CHFR: variants seen among roughly 807,000 people sequenced by gnomAD.
CHFR encodes the protein E3 ubiquitin-protein ligase CHFR.
In CHFR, 57 loss-of-function variants were observed where a neutral mutation model predicts 87.6. The observed-to-expected ratio is 0.65, with a 90% CI of 0.53 to 0.81. The LOEUF is 0.81. Ranked by LOEUF, CHFR falls within the 30% of genes least tolerant of loss-of-function variation. CHFR has a pLI of 0.00. For missense variants in CHFR, 797 were observed against 865.8 expected (o/e 0.92, Z 1.00); for synonymous variants, 381 against 359.2 (o/e 1.06, Z -0.69).
intron 3 of CHFR, among the ~76,000 whole-genome samples, chr12:132,875,312 C>T (rs1458072320): frequency 6.6e-6 from 1 of 152,218 alleles, no homozygotes; most frequent in Non-Finnish European, 1.5e-5. Flanking sequence ...CAACATACTG[C>T]TAGAAGACCA....
At chr12:132,848,844 A>G in intron 12 of CHFR, 120 bp from the exon 13 acceptor site, 1 of 746,246 alleles carries the variant, frequency 1.3e-6, no homozygotes, top group Non-Finnish European at 2.2e-6. Flanking sequence ...GAGGGGTCTC[A>G]TGGAAATCGG....
At position 132,853,543 on chromosome 12, in the gene CHFR, A is replaced by G; in HGVS notation, c.1260T>C (p.Pro420=). ...SQPYVVCRQC[P]EYRRQAAQPP... is the part of the protein sequence containing the mutation. ...GCTGCGCCGCCTGCCTTCTGTACTC[A>G]GGACACTGCCGGCACACGACGTATG... Residue 420 remains proline (P), a synonymous_variant, in exon 11 of 18, where the codon CCT becomes CCC. Transcript: ENST00000450056. 2 of 1,533,758 alleles carry G rather than the reference A, an allele frequency of 1.3e-6. No homozygotes were observed. Among genetic ancestry groups the G allele is most frequent in the Non-Finnish European group, 1.8e-6 (2 of 1,142,332 alleles).
At position 132,853,475 on chromosome 12, in the gene CHFR, T is replaced by A; in HGVS notation, c.1328A>T (p.Gln443Leu). Reference sequence around the variant, plus strand: ...CGTGGAGGGTGCATCCCCCAGGGCCTGTGGGGCTCCTGGCTCGCCCTCGGG... The same window carrying A: ...CGTGGAGGGTGCATCCCCCAGGGCCAGTGGGGCTCCTGGCTCGCCCTCGGG... Reference protein sequence around the residue: ...PAPEGEPGAPQALGDAPSTSV... With the variant: ...PAPEGEPGAPLALGDAPSTSV... The change falls in exon 11 of 18, where the codon CAG becomes CTG. Residue 443 changes from glutamine (Q) to leucine (L), a missense_variant. Transcript: ENST00000450056. 1 of 1,545,806 alleles carries A rather than the reference T, an allele frequency of 6.5e-7. No homozygotes were observed. The highest frequency in any genetic ancestry group is 2.5e-5 in the East Asian group (1 of 40,770).
At chr12:132,878,838 A>T (rs899160986) in intron 2 of CHFR, among the ~76,000 whole-genome samples, 3 of 151,438 alleles carry the variant, frequency 2.0e-5, no homozygotes. Context: ...AAAAAGAAAA[A>T]AAAAAACTCA....
At chr12:132,883,426 CAA>C (rs1281973967) in intron 2 of CHFR, among the ~76,000 whole-genome samples, 8 of 93,024 alleles carry the variant, frequency 8.6e-5, no homozygotes, top group African/African-American at 4.6e-5. Context: ...AACTCCGTCT[CAA>C]AAAAAAAAAA....
chr12:132,861,716 G>T, intron 6 of CHFR, 82 bp from the exon 7 acceptor site: 2 of 1,316,006 alleles, frequency 1.5e-6, no homozygotes, highest in Non-Finnish European at 2.1e-6. Flanking sequence ...ACTGACTGGA[G>T]CCCAGTGCAG....
At chr12:132,858,012 C>T (rs1195031632) in intron 8 of CHFR, among the ~76,000 whole-genome samples, 1 of 152,244 alleles carries the variant, frequency 6.6e-6, no homozygotes, top group Non-Finnish European at 1.5e-5. Flanking sequence ...GTGGGGTCTA[C>T]AGCCTCCGGC....
rs1950654216 is a variant in CHFR at position 132,837,153 on chromosome 12, A to T, written c.*4401T>A. ...GGCTCCAGGAGAAGCAGGTAGGGAG[A>T]AGAGGTTTTCTGAGGGGTGGAGGCA... is the stretch of plus-strand genomic sequence containing the variant. On this transcript the variant is annotated 3_prime_UTR_variant, in exon 18 of 18. Coordinates refer to ENST00000450056, the MANE Select transcript of CHFR (RefSeq NM_001161346.2). 5 of 276,980 alleles carry T rather than the reference A, an allele frequency of 1.8e-5. No individual in the cohort carries two copies. The highest frequency in any genetic ancestry group is 1.7e-4 in the South Asian group (5 of 28,740). 17.2% of individuals were successfully genotyped at this position (276,980 alleles called of 1,614,324 possible).
chr12:132,845,693 CT>C (rs759506585), intron 15 of CHFR, among the ~76,000 whole-genome samples: 2 of 152,046 alleles, frequency 1.3e-5, no homozygotes, highest in Non-Finnish European at 2.9e-5. Flanking sequence ...AATTATCATA[CT>C]CCACAAAGCA....
chr12:132,882,729 A>C (rs1951797442), intron 2 of CHFR, among the ~76,000 whole-genome samples: 1 of 151,300 alleles, frequency 6.6e-6, no homozygotes, highest in Non-Finnish European at 1.5e-5. Context: ...TCTTTGAGAC[A>C]AGGCCTTGCG....
At chr12:132,850,973 A>ATAT (rs1353172478) in intron 12 of CHFR, among the ~76,000 whole-genome samples, 2 of 48,008 alleles carry the variant, frequency 4.2e-5, no homozygotes, top group African/African-American at 1.5e-4. Flanking sequence ...GCATATATAT[A>ATAT]TATATATATA....
At chr12:132,883,692 A>G (rs1951820500) in intron 2 of CHFR, among the ~76,000 whole-genome samples, 1 of 152,224 alleles carries the variant, frequency 6.6e-6, no homozygotes, top group Admixed American at 6.5e-5. Context: ...GTGCCACTGC[A>G]CTCCAGACTG....
At chr12:132,871,416 C>T (rs149090452) in intron 4 of CHFR, among the ~76,000 whole-genome samples, 56 of 151,582 alleles carry the variant, frequency 3.7e-4, no homozygotes, top group Middle Eastern at 3.5e-3. Flanking sequence ...CACGCCATTG[C>T]ACTCCAGCCT....
At chr12:132,857,312 G>A (rs1373896646) in intron 9 of CHFR, 93 bp downstream of exon 9, 23 of 1,363,480 alleles carry the variant, frequency 1.7e-5, no homozygotes, top group East Asian at 4.7e-5. Context: ...TCACGTGCCC[G>A]GGTGCTGCTG....
In CHFR at chr12:132,837,969, G is replaced by C. The variant is rs1950661137; in HGVS notation, c.*3585C>G. 1 of 152,386 alleles carries C rather than the reference G, an allele frequency of 6.6e-6. No individual in the cohort carries two copies. The highest frequency in any genetic ancestry group is 1.5e-5 in the Non-Finnish European group (1 of 68,166). 9.4% of individuals were successfully genotyped at this position (152,386 alleles called of 1,614,324 possible). A position where few individuals can be genotyped will look rare whatever the true frequency, so the allele number is the denominator to read the frequency against. ...GCTTTCCTTCCCTTCCCAGTGCAGG[G>C]CTCCCGGCAACCTAGCGGCCCTGGC... On this transcript the variant is annotated 3_prime_UTR_variant, in exon 18 of 18. Transcript: ENST00000450056.
In CHFR at chr12:132,853,638, C is replaced by G. The variant is rs752473859; in HGVS notation, c.1230-65G>C. ...AGCCTCTCAGGTAGGGCCGGTGCAA[C>G]GCGGGTCCGCAGCCATCACAGCTCA... On this transcript the variant is annotated intron_variant, in intron 10 of 17. Coordinates refer to ENST00000450056, the MANE Select transcript of CHFR (RefSeq NM_001161346.2). 614 of 1,464,324 alleles carry G rather than the reference C, an allele frequency of 4.2e-4. 2 individuals are homozygous for G. Among genetic ancestry groups the G allele is most frequent in the Non-Finnish European group, 5.2e-4 (580 of 1,117,936 alleles). 90.7% of individuals were successfully genotyped at this position (1,464,324 alleles called of 1,614,324 possible). A position where few individuals can be genotyped will look rare whatever the true frequency, so the allele number is the denominator to read the frequency against.
intron 5 of CHFR, among the ~76,000 whole-genome samples, chr12:132,870,129 G>A (rs1195838918): frequency 6.6e-6 from 1 of 151,736 alleles, no homozygotes; most frequent in Non-Finnish European, 1.5e-5. Flanking sequence ...GAGGCGGGTA[G>A]ATCACGAGGT....
In CHFR at chr12:132,834,308, G is replaced by C. The variant is rs1424866842; in HGVS notation, c.*7246C>G. The C allele has an allele frequency of 6.6e-6, 1 of 152,468 alleles. No individual in the cohort carries two copies. Among genetic ancestry groups the C allele is most frequent in the Non-Finnish European group, 1.5e-5 (1 of 68,274 alleles). The allele number at this position is 152,468 out of a possible 1,614,324, so 9.4% of individuals were successfully genotyped here. A position where few individuals can be genotyped will look rare whatever the true frequency, so the allele number is the denominator to read the frequency against. ...GGGTGAAGGAACGTGCTGGGGAGCA[G>C]GGGAGAGGGTGAAGCGGATGTTGGG... On this transcript the variant is annotated 3_prime_UTR_variant, in exon 18 of 18. Transcript: ENST00000450056.
At chr12:132,853,290 G>C in intron 11 of CHFR, 141 bp downstream of exon 11, 1 of 855,002 alleles carries the variant, frequency 1.2e-6, no homozygotes, top group African/African-American at 1.8e-5. Context: ...TGAGTGCAGG[G>C]AGACCAATGA....
Sources: gnomAD v4.1 joint callset for allele counts (sites outside exome capture counted in the v4.1 genomes callset) on GRCh38, gnomAD v4.1.1 for gene constraint, MANE v1.5 for transcripts, NCBI Gene and HGNC (gene_info 2026-07-23, HGNC 2026-07-21) for gene names.